GXYLT2: variants seen among roughly 807,000 people sequenced by gnomAD.
GXYLT2 encodes the protein glycosyltransferase 8 domain containing 4.
Under a neutral mutation model 45.8 loss-of-function variants are expected in GXYLT2, and 53 were observed. That is an observed-to-expected ratio of 1.16 (90% CI 0.93 to 1.46). The LOEUF (loss-of-function observed/expected upper bound fraction) is 1.46. Among genes scored for constraint, GXYLT2 ranks in the 40% most tolerant of loss-of-function variants. GXYLT2 has a pLI of 0.00. For missense variants in GXYLT2, 551 were observed against 544.4 expected, an observed-to-expected ratio of 1.01 and a Z score of -0.12; for synonymous variants, 219 against 214.2, an observed-to-expected ratio of 1.02 and a Z score of -0.19.
chr3:72,903,543 C>T lies in GXYLT2; in HGVS notation c.276-4824C>T, dbSNP rs143169462. Among the ~76,000 whole-genome samples the T allele has an allele frequency of 2.6e-4, 40 of 152,274 alleles. No homozygotes were observed. In the South Asian group the frequency reaches 4.8e-3, roughly 18 times the overall value. ...TGTTAATATGCAGACTCCAGGGCCT[C>T]ACCCAAGACCCATGGAATCAGAATC... On this transcript the variant is annotated intron_variant, in intron 1 of 6. Coordinates refer to ENST00000389617, the MANE Select transcript of GXYLT2 (RefSeq NM_001080393.2).
chr3:72,973,987 A>G (rs1307399968), intron 6 of GXYLT2, among the ~76,000 whole-genome samples: 1 of 152,190 alleles, frequency 6.6e-6, no homozygotes, highest in Non-Finnish European at 1.5e-5. Context: ...TTAATTTTAA[A>G]GGATTAACAT....
intron 1 of GXYLT2, among the ~76,000 whole-genome samples, chr3:72,904,969 A>T (rs1709481419): frequency 7.2e-6 from 1 of 139,856 alleles, no homozygotes; most frequent in Non-Finnish European, 1.5e-5. Context: ...GAATTGCTTG[A>T]GCCTGGGAAA....
At position 72,915,827 on chromosome 3, in the gene GXYLT2, T is replaced by C. The variant is rs146795690; in HGVS notation, c.469-6377T>C. On this transcript the variant is annotated intron_variant, in intron 2 of 6. Coordinates refer to ENST00000389617, the MANE Select transcript of GXYLT2 (RefSeq NM_001080393.2). Reference sequence around the variant, plus strand: ...TATCCTGGGTGACAGAGGGAGACCCTGTCTCAAAAAAAAAAAAAGAGAGAT... The same window carrying C: ...TATCCTGGGTGACAGAGGGAGACCCCGTCTCAAAAAAAAAAAAAGAGAGAT... 5.6e-3 allele frequency among the ~76,000 whole-genome samples: 846 copies of C among 150,732 alleles called. 8 individuals carry two copies. Among genetic ancestry groups the C allele is most frequent in the African/African-American group, 0.02 (826 of 41,008 alleles).
chr3:72,903,083 T>C (rs1055426869), intron 1 of GXYLT2, among the ~76,000 whole-genome samples: 2 of 152,130 alleles, frequency 1.3e-5, no homozygotes, highest in South Asian at 4.1e-4. Context: ...TGAGACTTTA[T>C]TGTTGTTGGT....
chr3:72,912,753 C>A (rs2107086942), intron 2 of GXYLT2, among the ~76,000 whole-genome samples: 1 of 152,306 alleles, frequency 6.6e-6, no homozygotes, highest in African/African-American at 2.4e-5. Context: ...GCCTTCAAGG[C>A]TTCCAGCTGA....
rs1337576967 is a variant in GXYLT2, at chr3:72,899,027, G to A, written c.276-9340G>A. On this transcript the variant is annotated intron_variant, in intron 1 of 6. Transcript: ENST00000389617. ...ATTACAGACGTGAGCCACCGCGCCC[G>A]GCCAGAGAGGGCTCTTTTTCTAACT... is the stretch of plus-strand genomic sequence containing the variant. Among the ~76,000 whole-genome samples, 2 of 152,130 alleles carry A rather than the reference G, an allele frequency of 1.3e-5. 1 individual carries two copies. The highest frequency in any genetic ancestry group is 4.1e-4 in the South Asian group (2 of 4,832).
chr3:72,901,665 A>G (rs1471483777), intron 1 of GXYLT2, among the ~76,000 whole-genome samples: 2 of 144,302 alleles, frequency 1.4e-5, no homozygotes, highest in African/African-American at 5.1e-5. Context: ...GGTTCAAGCA[A>G]TTCTCCTGCC....
At chr3:72,962,070 G>A (rs1018296702) in intron 5 of GXYLT2, among the ~76,000 whole-genome samples, 2 of 152,158 alleles carry the variant, frequency 1.3e-5, no homozygotes, top group African/African-American at 4.8e-5. Flanking sequence ...AATGGCTCCA[G>A]GAGGGCCTTA....
At chr3:72,958,412 AC>A (rs35690471) in intron 5 of GXYLT2, among the ~76,000 whole-genome samples, 12,995 of 152,062 alleles carry the variant, frequency 0.085, 887 homozygotes, top group East Asian at 0.31. Flanking sequence ...GTTCAGAAAG[AC>A]TTTGCCTGTG....
chr3:72,915,612 G>A (rs552266169), intron 2 of GXYLT2, among the ~76,000 whole-genome samples: 19 of 152,010 alleles, frequency 1.2e-4, no homozygotes, highest in South Asian at 2.1e-4. Context: ...CAAGGCGGGC[G>A]GATCACCTGA....
At chr3:72,905,770 C>G (rs1020122114) in intron 1 of GXYLT2, among the ~76,000 whole-genome samples, 8 of 152,170 alleles carry the variant, frequency 5.3e-5, no homozygotes, top group African/African-American at 1.4e-4. Context: ...GTTCCCTGCC[C>G]CATATCCACA....
Position 72,975,066 on chromosome 3 carries a change from C to A in GXYLT2, c.1239C>A (p.Ile413=). The change falls in exon 7 of 7, where the codon ATC becomes ATA. Residue 413 remains isoleucine (I), a synonymous_variant. Coordinates refer to ENST00000389617, the MANE Select transcript of GXYLT2 (RefSeq NM_001080393.2). ...LETVHTLCGR[I]PQVFLKQIEK... ...CTGTGCACACTTTATGTGGACGAAT[C>A]CCGCAAGTTTTTCTGAAGCAAATTG... The A allele has an allele frequency of 2.5e-6, 4 of 1,613,418 alleles. No homozygotes were observed. Among genetic ancestry groups the A allele is most frequent in the Non-Finnish European group, 3.4e-6 (4 of 1,179,506 alleles).
At chr3:72,926,519 G>T (rs1246705461) in intron 3 of GXYLT2, among the ~76,000 whole-genome samples, 1 of 152,182 alleles carries the variant, frequency 6.6e-6, no homozygotes, top group African/African-American at 2.4e-5. Flanking sequence ...CATTAAAATT[G>T]ATTCTGGAAT....
At chr3:72,964,075 G>T (rs1710816079) in intron 5 of GXYLT2, among the ~76,000 whole-genome samples, 1 of 152,150 alleles carries the variant, frequency 6.6e-6, no homozygotes, top group South Asian at 2.1e-4. Flanking sequence ...CTCCCAAAGT[G>T]CTGGGATTAT....
rs538777522 is a variant in GXYLT2, at chr3:72,908,429, C to T, written c.338C>T (p.Ala113Val). The part of the protein sequence containing the change: ...VLPPELWIHL[A>V]VVACGNRLEE... ...CCACCCGAGCTCTGGATCCACCTGG[C>T]TGTGGTGGCCTGTGGCAATCGGCTG... Residue 113 changes from alanine to valine, a missense_variant, in exon 2 of 7, where the codon GCT (alanine) becomes GTT (valine). Coordinates refer to ENST00000389617, the MANE Select transcript of GXYLT2 (RefSeq NM_001080393.2). The T allele has an allele frequency of 5.0e-6, 8 of 1,613,846 alleles. No individual in the cohort carries two copies. Among genetic ancestry groups the T allele is most frequent in the Middle Eastern group, 1.7e-4 (1 of 6,058 alleles).
chr3:72,959,392 A>G (rs1710724014), intron 5 of GXYLT2, among the ~76,000 whole-genome samples: 1 of 150,740 alleles, frequency 6.6e-6, no homozygotes, highest in Non-Finnish European at 1.5e-5. Context: ...TGTTGGGATT[A>G]CAGGCATCAG....
chr3:72,972,608 T>C (rs1711008090), intron 6 of GXYLT2, among the ~76,000 whole-genome samples: 1 of 125,894 alleles, frequency 7.9e-6, no homozygotes, highest in Non-Finnish European at 1.6e-5. Flanking sequence ...ACCACTGCAG[T>C]CCAGCCTGGG....
At chr3:72,891,478 C>T (rs1709181931) in intron 1 of GXYLT2, among the ~76,000 whole-genome samples, 1 of 152,188 alleles carries the variant, frequency 6.6e-6, no homozygotes, top group Non-Finnish European at 1.5e-5. Flanking sequence ...CATTTGTATG[C>T]AATCTGCCCT....
At chr3:72,904,274 C>G (rs1342655034) in intron 1 of GXYLT2, among the ~76,000 whole-genome samples, 2 of 152,262 alleles carry the variant, frequency 1.3e-5, no homozygotes, top group Non-Finnish European at 2.9e-5. Flanking sequence ...TCCTCACAAT[C>G]TTGATTGACA....
Sources: gnomAD v4.1 joint callset for allele counts (sites outside exome capture counted in the v4.1 genomes callset) on GRCh38, gnomAD v4.1.1 for gene constraint, MANE v1.5 for transcripts, NCBI Gene and HGNC (gene_info 2026-07-23, HGNC 2026-07-21) for gene names.